The following INVS variants were observed in gnomAD, a reference collection of about 807,000 sequenced individuals.
INVS encodes the protein inversion of embryo turning homolog.
INVS carries 86 observed loss-of-function variants against 108.8 expected under a neutral mutation model. That is an observed-to-expected ratio of 0.79 (90% CI 0.66 to 0.95). The LOEUF (loss-of-function observed/expected upper bound fraction) is 0.95. Among genes scored for constraint, INVS ranks in the 40% least tolerant of loss-of-function variants. The pLI is 0.00. For missense variants in INVS, 1,169 were observed against 1,297.4 expected, an observed-to-expected ratio of 0.90 and a Z score of 1.52; for synonymous variants, 455 against 473.5, an observed-to-expected ratio of 0.96 and a Z score of 0.51.
chr9:100,250,495 C>T (rs1362423323), intron 8 of INVS, among the ~76,000 whole-genome samples: 1 of 152,132 alleles, frequency 6.6e-6, no homozygotes, highest in African/African-American at 2.4e-5. Flanking sequence ...AACATTCAGT[C>T]ATTTAGGTCA....
chr9:100,296,768 A>G (rs1349075533), intron 14 of INVS, 149 bp from the exon 15 acceptor site: 1 of 682,814 alleles, frequency 1.5e-6, no homozygotes, highest in African/African-American at 1.8e-5. Context: ...CACATTCAAC[A>G]TGCTGCCGCC....
At chr9:100,278,337 A>G (rs1159651030) in intron 12 of INVS, among the ~76,000 whole-genome samples, 1 of 151,212 alleles carries the variant, frequency 6.6e-6, no homozygotes, top group East Asian at 1.9e-4. Flanking sequence ...ATAACCTCTC[A>G]GTTTATTCCT....
intron 10 of INVS, among the ~76,000 whole-genome samples, chr9:100,262,893 C>T (rs982605039): frequency 6.6e-6 from 1 of 151,988 alleles, no homozygotes; most frequent in African/African-American, 2.4e-5. Context: ...ACTACAGGTG[C>T]ACACCACCAC....
chr9:100,141,904 A>G (rs910514247), intron 3 of INVS, among the ~76,000 whole-genome samples: 2 of 152,122 alleles, frequency 1.3e-5, no homozygotes, highest in Non-Finnish European at 2.9e-5. Flanking sequence ...CTGGAAGGAG[A>G]TATTTTCCTT....
intron 14 of INVS, 132 bp downstream of exon 14, chr9:100,293,175 C>T: frequency 1.3e-6 from 1 of 776,656 alleles, no homozygotes; most frequent in African/African-American, 1.7e-5. Context: ...ATAGAGCCTA[C>T]CCATGAAATT....
At chr9:100,178,637 T>A (rs1449101671) in intron 3 of INVS, among the ~76,000 whole-genome samples, 1 of 152,140 alleles carries the variant, frequency 6.6e-6, no homozygotes, top group Admixed American at 6.5e-5. Context: ...AATATAGGAC[T>A]ATGTGAAAAG....
intron 7 of INVS, among the ~76,000 whole-genome samples, chr9:100,245,470 C>T (rs1176046599): frequency 2.0e-5 from 3 of 151,910 alleles, no homozygotes; most frequent in Admixed American, 1.3e-4. Flanking sequence ...TTAGTAGAGA[C>T]GGGGTTTCAC....
chr9:100,122,598 T>TTG (rs1827757904), intron 2 of INVS, among the ~76,000 whole-genome samples: 1 of 141,622 alleles, frequency 7.1e-6, no homozygotes, highest in Non-Finnish European at 1.5e-5. Context: ...TTTTTTTTTT[T>TTG]TTTGAGACAG....
intron 3 of INVS, among the ~76,000 whole-genome samples, chr9:100,196,506 A>G (rs1830379845): frequency 6.6e-6 from 1 of 152,006 alleles, no homozygotes; most frequent in Non-Finnish European, 1.5e-5. Flanking sequence ...TTACTTTTCA[A>G]GGCTAGCTGG....
At chr9:100,176,782 C>T (rs1273638484) in intron 3 of INVS, among the ~76,000 whole-genome samples, 1 of 152,016 alleles carries the variant, frequency 6.6e-6, no homozygotes, top group African/African-American at 2.4e-5. Flanking sequence ...GCCTTACTTA[C>T]TGTTAAAAAC....
At chr9:100,268,701 T>C (rs1167253056) in intron 11 of INVS, among the ~76,000 whole-genome samples, 1 of 152,042 alleles carries the variant, frequency 6.6e-6, no homozygotes, top group African/African-American at 2.4e-5. Context: ...ATGCTTAAAA[T>C]TTTTCATAAT....
chr9:100,208,836 C>A (rs1209578785), intron 3 of INVS, among the ~76,000 whole-genome samples: 2 of 152,118 alleles, frequency 1.3e-5, no homozygotes, highest in African/African-American at 4.8e-5. Context: ...ACATTAGGAG[C>A]AAATGAAAGC....
At chr9:100,291,706 T>C (rs1013935662) in intron 13 of INVS, among the ~76,000 whole-genome samples, 3 of 152,216 alleles carry the variant, frequency 2.0e-5, no homozygotes, top group Non-Finnish European at 4.4e-5. Flanking sequence ...ACCAAGCCCA[T>C]GTAAGGAAGA....
At chr9:100,213,801 A>G (rs1830907220) in intron 3 of INVS, among the ~76,000 whole-genome samples, 2 of 152,202 alleles carry the variant, frequency 1.3e-5, no homozygotes, top group Non-Finnish European at 2.9e-5. Context: ...TACCACTTTT[A>G]TAGTAAGCAC....
intron 3 of INVS, among the ~76,000 whole-genome samples, chr9:100,213,591 A>T (rs1412742089): frequency 1.3e-5 from 2 of 152,146 alleles, no homozygotes; most frequent in East Asian, 3.9e-4. Context: ...CTAAGAAGTT[A>T]GTCTGTTACT....
intron 6 of INVS, among the ~76,000 whole-genome samples, chr9:100,241,915 A>AT (rs1370128287): frequency 1.3e-5 from 2 of 152,258 alleles, no homozygotes; most frequent in East Asian, 3.9e-4. Flanking sequence ...AGGTTTATTC[A>AT]TTTTTTAATA....
chr9:100,209,451 T>C (rs1369399464), intron 3 of INVS, among the ~76,000 whole-genome samples: 1 of 152,096 alleles, frequency 6.6e-6, no homozygotes, highest in African/African-American at 2.4e-5. Context: ...GGCTGAGACC[T>C]CTCTCATGTC....
chr9:100,147,091 C>T (rs1828642462), intron 3 of INVS, among the ~76,000 whole-genome samples: 2 of 152,208 alleles, frequency 1.3e-5, no homozygotes, highest in African/African-American at 4.8e-5. Context: ...TTCCCCTTTA[C>T]CTCTTCTGTC....
intron 4 of INVS, among the ~76,000 whole-genome samples, chr9:100,226,728 G>A (rs761520692): frequency 2.7e-5 from 4 of 148,038 alleles, no homozygotes; most frequent in South Asian, 2.1e-4. Flanking sequence ...CATGAGAATC[G>A]CTTGAAACTG....
Sources: allele counts gnomAD v4.1 joint callset (sites outside exome capture counted in the v4.1 genomes callset), GRCh38; gene constraint gnomAD v4.1.1; transcripts MANE v1.5; gene names NCBI Gene and HGNC (gene_info 2026-07-23, HGNC 2026-07-21).